The following LGALS9 variants were observed in gnomAD, a reference collection of about 807,000 sequenced individuals.
LGALS9 encodes the protein galectin 9, also known as galectin-9.
LGALS9 carries 26 observed loss-of-function variants against 35.9 expected under a neutral mutation model. The observed-to-expected ratio is 0.72, with a 90% CI of 0.53 to 1.01. The LOEUF (loss-of-function observed/expected upper bound fraction) is 1.01. Ranked by LOEUF, LGALS9 falls within the 50% of genes least tolerant of loss-of-function variation. The probability of loss-of-function intolerance (pLI) is 0.00; values close to 1 mark genes in which losing one functional copy is unlikely to be tolerated. For synonymous variants in LGALS9, 149 were observed against 172.2 expected, an observed-to-expected ratio of 0.87 and a Z score of 1.06; for missense variants, 347 against 445.8, an observed-to-expected ratio of 0.78 and a Z score of 1.99.
At chr17:27,647,895 C>T (rs549518376) in intron 10 of LGALS9, among the ~76,000 whole-genome samples, 7 of 152,354 alleles carry the variant, frequency 4.6e-5, no homozygotes, top group Admixed American at 4.6e-4. Flanking sequence ...TCACAGATAA[C>T]GACAGTGCCA....
chr17:27,635,861 G>T (rs2074445010), intron 1 of LGALS9, among the ~76,000 whole-genome samples: 1 of 152,168 alleles, frequency 6.6e-6, no homozygotes, highest in Non-Finnish European at 1.5e-5. Flanking sequence ...GGGAAAACAG[G>T]CTTCCCAATC....
At chr17:27,648,388 A>G (rs1409326548) in intron 10 of LGALS9, among the ~76,000 whole-genome samples, 3 of 152,268 alleles carry the variant, frequency 2.0e-5, no homozygotes, top group Admixed American at 1.3e-4. Flanking sequence ...ATGAGACAGT[A>G]TCTGTAGTAT....
rs770256785 is a variant in LGALS9, at chr17:27,640,538, GC to G, written c.132-32del. On this transcript the variant is annotated intron_variant, in intron 2 of 10. Transcript: ENST00000395473. ...GTGCCTGTCACTGGCAATAATCCATGCCACAGAAGACTATTTGCTTTCCCTG... is the reference window on the plus strand; with the variant it reads ...GTGCCTGTCACTGGCAATAATCCATGCACAGAAGACTATTTGCTTTCCCTG... 2.2e-5 allele frequency: 35 copies of G among 1,613,482 alleles called. No homozygotes were observed. In the East Asian group the frequency reaches 7.3e-4, roughly 34 times the overall value.
intron 5 of LGALS9, chr17:27,644,400 C>A (rs1341342274): frequency 6.6e-6 from 1 of 152,664 alleles, no homozygotes; most frequent in African/African-American, 2.4e-5. Flanking sequence ...TGTCCCTATG[C>A]CCATGAGGCC....
rs1291172285 is a variant in LGALS9, at chr17:27,646,604, G to C, written c.669+16G>C. The C allele has an allele frequency of 1.2e-6, 2 of 1,612,822 alleles. No individual in the cohort carries two copies. Among genetic ancestry groups the C allele is most frequent in the African/African-American group, 2.7e-5 (2 of 74,894 alleles). On this transcript the variant is annotated intron_variant, in intron 8 of 10. Transcript: ENST00000395473. ...CCCCGCCTATGTAAGTGGTTTCTCAGGGAGGGCAGAGGTTCTGTTTGTGGT... is the reference window on the plus strand; with the variant it reads ...CCCCGCCTATGTAAGTGGTTTCTCACGGAGGGCAGAGGTTCTGTTTGTGGT...
intron 2 of LGALS9, among the ~76,000 whole-genome samples, chr17:27,639,930 G>T (rs1381096320): frequency 1.3e-5 from 2 of 152,138 alleles, no homozygotes; most frequent in Non-Finnish European, 2.9e-5. Flanking sequence ...TCGAGACGGG[G>T]TTTTACCATG....
intron 10 of LGALS9, 73 bp downstream of exon 10, chr17:27,647,505 G>C: frequency 1.3e-6 from 2 of 1,586,672 alleles, no homozygotes; most frequent in African/African-American, 1.3e-5. Context: ...GGAGGTTTGA[G>C]GTACCTTGAA....
At position 27,631,224 on chromosome 17, in the gene LGALS9, G is replaced by A. The variant is rs1039912422; in HGVS notation, c.-42G>A. The A allele has an allele frequency of 6.2e-7, 1 of 1,613,928 alleles. No homozygotes were observed. Among genetic ancestry groups the A allele is most frequent in the African/African-American group, 1.3e-5 (1 of 74,918 alleles). ...CGTTCCCTCTACAAAGGACTTCCTAGTGGGTGTGAAAGGCAGCGGTGGCCA... is the reference window on the plus strand; with the variant it reads ...CGTTCCCTCTACAAAGGACTTCCTAATGGGTGTGAAAGGCAGCGGTGGCCA... On this transcript the variant is annotated 5_prime_UTR_variant, in exon 1 of 11. It adds an upstream start codon to the 5' untranslated region. Coordinates refer to ENST00000395473, the MANE Select transcript of LGALS9 (RefSeq NM_009587.3).
chr17:27,632,951 G>A (rs9916889), intron 1 of LGALS9, among the ~76,000 whole-genome samples: 1 of 152,126 alleles, frequency 6.6e-6, no homozygotes, highest in South Asian at 2.1e-4. Context: ...GGAGGGCTGA[G>A]TGCCATGAGG....
intron 4 of LGALS9, among the ~76,000 whole-genome samples, chr17:27,642,747 G>T (rs1904616302): frequency 6.6e-6 from 1 of 152,158 alleles, no homozygotes; most frequent in South Asian, 2.1e-4. Context: ...CTCAGCCTTG[G>T]TTTCTTCATC....
In LGALS9 at chr17:27,649,048, A is replaced by G; in HGVS notation, c.*66A>G. On this transcript the variant is annotated 3_prime_UTR_variant, in exon 11 of 11. Coordinates refer to ENST00000395473, the MANE Select transcript of LGALS9 (RefSeq NM_009587.3). The stretch of plus-strand genomic sequence containing the variant: ...CAGTCTGGGTCCTCTCATCATCCCC[A>G]CTTCCCAGGCCCAGCCTTTCCAACC... 2 of 1,607,154 alleles carry G rather than the reference A, an allele frequency of 1.2e-6. No homozygotes were observed. Among genetic ancestry groups the G allele is most frequent in the Non-Finnish European group, 1.7e-6 (2 of 1,175,768 alleles).
At chr17:27,637,661 G>A (rs781764081) in intron 1 of LGALS9, among the ~76,000 whole-genome samples, 37 of 152,246 alleles carry the variant, frequency 2.4e-4, no homozygotes, top group Non-Finnish European at 3.2e-4. Flanking sequence ...CTGGGAAGAC[G>A]CTCTGCTGAA....
chr17:27,632,126 G>T (rs2074399267), intron 1 of LGALS9, among the ~76,000 whole-genome samples: 1 of 152,096 alleles, frequency 6.6e-6, no homozygotes, highest in Non-Finnish European at 1.5e-5. Context: ...AGATGGGAGT[G>T]GCAGCCCCAG....
At chr17:27,642,398 A>G (rs1296739603) in intron 4 of LGALS9, 50 bp downstream of exon 4, 45 of 1,610,940 alleles carry the variant, frequency 2.8e-5, no homozygotes, top group Non-Finnish European at 3.7e-5. Context: ...TGCAGGGCCC[A>G]GCGTAGCTGT....
chr17:27,647,159 C>G, intron 9 of LGALS9, 41 bp downstream of exon 9: 12 of 1,614,122 alleles, frequency 7.4e-6, no homozygotes, highest in Non-Finnish European at 1.0e-5. Context: ...AGAGAGAGCC[C>G]TTCAAGGTCA....
At chr17:27,646,911 T>G in intron 8 of LGALS9, 119 bp from the exon 9 acceptor site, 2 of 1,471,156 alleles carry the variant, frequency 1.4e-6, no homozygotes, top group Non-Finnish European at 1.9e-6. Flanking sequence ...TCCTTTGGCT[T>G]TTATGGAACC....
At chr17:27,643,906 G>A (rs1904723867) in intron 5 of LGALS9, among the ~76,000 whole-genome samples, 1 of 152,092 alleles carries the variant, frequency 6.6e-6, no homozygotes, top group South Asian at 2.1e-4. Flanking sequence ...GACGACAGGG[G>A]TCCAGTTCCC....
chr17:27,640,490 A>G, intron 2 of LGALS9, 82 bp from the exon 3 acceptor site: 1 of 1,588,804 alleles, frequency 6.3e-7, no homozygotes, highest in Non-Finnish European at 8.6e-7. Context: ...ACAAATGCAA[A>G]GCACAGGCGC....
chr17:27,634,943 G>T (rs773033834), intron 1 of LGALS9, among the ~76,000 whole-genome samples: 9 of 152,030 alleles, frequency 5.9e-5, no homozygotes, highest in Non-Finnish European at 1.3e-4. Flanking sequence ...TATACAAATG[G>T]CATCATTCCA....
Sources: allele counts gnomAD v4.1 joint callset (sites outside exome capture counted in the v4.1 genomes callset), GRCh38; gene constraint gnomAD v4.1.1; transcripts MANE v1.5; gene names NCBI Gene and HGNC (gene_info 2026-07-23, HGNC 2026-07-21).